The following AHNAK2 variants were observed in gnomAD, a reference collection of about 807,000 sequenced individuals.
AHNAK2 encodes protein AHNAK2.
In AHNAK2, 18 loss-of-function variants were observed where a neutral mutation model predicts 30.7. The ratio of observed to expected loss-of-function variants is 0.59; its 90% CI spans 0.41 to 0.87. AHNAK2 has a LOEUF of 0.87. AHNAK2 is among the 40% of genes least tolerant of loss of function. AHNAK2 has a pLI of 0.00. For synonymous variants in AHNAK2, 3,590 were observed against 3,073.8 expected (o/e 1.17, Z -5.56); for missense variants, 8,604 against 7,373.0 (o/e 1.17, Z -6.11).
chr14:104,964,724 A>G lies in AHNAK2; in HGVS notation c.56-7052T>C, dbSNP rs189656911. Among the ~76,000 whole-genome samples the G allele has an allele frequency of 2.8e-4, 42 of 152,364 alleles. No homozygotes were observed. The East Asian group carries it at 6.9e-3, about 25-fold the overall frequency. On this transcript the variant is annotated intron_variant, in intron 1 of 6. Transcript: ENST00000333244. ...CGCTCGTACCGGGGGAGCCCGTCACATCCAGCTCACAGTCAGGCTCAGGCC... is the reference window on the plus strand; with the variant it reads ...CGCTCGTACCGGGGGAGCCCGTCACGTCCAGCTCACAGTCAGGCTCAGGCC...
rs1464097710 is a variant in AHNAK2, at chr14:104,953,315, G to A, written c.2136C>T (p.Leu712=). 6.8e-6 allele frequency: 11 copies of A among 1,612,824 alleles called. No homozygotes were observed. The highest frequency in any genetic ancestry group is 3.3e-5 in the Admixed American group (2 of 59,908). Reference sequence around the variant, plus strand: ...TGGTCTTGAGGTCCCCCTGCATGGAGAGGAGGCTCACGTCGGCCTCCACCT... The same window carrying A: ...TGGTCTTGAGGTCCCCCTGCATGGAAAGGAGGCTCACGTCGGCCTCCACCT... ...APKVEADVSL[L]SMQGDLKTTD... The change falls in exon 7 of 7, where the codon CTC becomes CTT. Residue 712 remains leucine (L), a synonymous_variant. Coordinates refer to ENST00000333244, the MANE Select transcript of AHNAK2 (RefSeq NM_138420.4).
At chr14:104,975,397 G>A (rs1899567806) in intron 1 of AHNAK2, among the ~76,000 whole-genome samples, 1 of 152,226 alleles carries the variant, frequency 6.6e-6, no homozygotes, top group South Asian at 2.1e-4. Context: ...CAGGGAAAGA[G>A]CTGGGGTTGT....
chr14:104,963,988 A>C (rs1264815180), intron 1 of AHNAK2, among the ~76,000 whole-genome samples: 1 of 152,208 alleles, frequency 6.6e-6, no homozygotes, highest in Non-Finnish European at 1.5e-5. Flanking sequence ...CTACCATTTG[A>C]TCCAGCAGTC....
Position 104,942,241 on chromosome 14 carries a change from TAAC to T in AHNAK2, c.13207_13209del (p.Val4403del). The T allele has an allele frequency of 1.2e-6, 2 of 1,612,390 alleles. No homozygotes were observed. Among genetic ancestry groups the T allele is most frequent in the Non-Finnish European group, 1.7e-6 (2 of 1,179,496 alleles). On this transcript the variant is annotated inframe_deletion, in exon 7 of 7. Coordinates refer to ENST00000333244, the MANE Select transcript of AHNAK2 (RefSeq NM_138420.4). ...CCTTTCAGGTCCAGCTTGGGGACAT[TAAC>T]GTCTATCTGGGGACCCTTGAGGTCC...
At position 104,951,548 on chromosome 14, in the gene AHNAK2, C is replaced by T. The variant is rs368855822; in HGVS notation, c.3903G>A (p.Pro1301=). 2.3e-5 allele frequency: 29 copies of T among 1,246,586 alleles called. 10 individuals are homozygous for T. The highest frequency in any genetic ancestry group is 4.5e-5 in the East Asian group (2 of 44,460). The allele number at this position is 1,246,586 out of a possible 1,614,324, so 77.2% of individuals were successfully genotyped here. ...GCTGTGCGCCATCCAACTTGGCTCCCGGGGCCTGCATGTCCACCTCCACAC... is the reference window on the plus strand; with the variant it reads ...GCTGTGCGCCATCCAACTTGGCTCCTGGGGCCTGCATGTCCACCTCCACAC... The part of the protein sequence containing the change: ...LPSVEVDMQA[P]GAKLDGAQLD... Residue 1301 remains proline, a synonymous_variant, in exon 7 of 7, where the codon CCG becomes CCA. Transcript: ENST00000333244.
Position 104,942,772 on chromosome 14 carries a change from G to A in AHNAK2, c.12679C>T (p.Pro4227Ser), listed in dbSNP as rs750747836. ...TGGGGGCCCTTGAGGGCCACTTTGG[G>A]CATCTTCAAACAGGGCATCTGCACC... is the stretch of plus-strand genomic sequence containing the variant. ...PKVQMPCLKM[P>S]KVALKGPQVD... Residue 4227 changes from proline (P) to serine (S), a missense_variant, in exon 7 of 7, where the codon CCC becomes TCC. Coordinates refer to ENST00000333244, the MANE Select transcript of AHNAK2 (RefSeq NM_138420.4). 6.2e-7 allele frequency: 1 copy of A among 1,612,952 alleles called. No homozygotes were observed. The highest frequency in any genetic ancestry group is 1.1e-5 in the South Asian group (1 of 91,038).
rs1566922201 is a variant in AHNAK2, at chr14:104,956,672, C to T, written c.231G>A (p.Arg77=). The T allele has an allele frequency of 6.2e-7, 1 of 1,613,776 alleles. No individual in the cohort carries two copies. The highest frequency in any genetic ancestry group is 1.7e-5 in the Admixed American group (1 of 60,032). Residue 77 remains arginine (R), a synonymous_variant, in exon 4 of 7, where the codon AGG becomes AGA. Coordinates refer to ENST00000333244, the MANE Select transcript of AHNAK2 (RefSeq NM_138420.4). The stretch of plus-strand genomic sequence containing the variant: ...ATCTCCGTCTCCCAGCAGAACCTTG[C>T]CTGCCGGGGGCGTCTTCCTGCAGCC... ...DFGLQEDAPG[R]QGSAGRRRSW...
chr14:104,975,464 G>A (rs887852278), intron 1 of AHNAK2, among the ~76,000 whole-genome samples: 1 of 151,428 alleles, frequency 6.6e-6, no homozygotes, highest in African/African-American at 2.5e-5. Context: ...CCTCACTGGA[G>A]GGCACTCCAG....
chr14:104,962,592 AT>A (rs112564439), intron 1 of AHNAK2, among the ~76,000 whole-genome samples: 1,725 of 143,470 alleles, frequency 0.012, 19 homozygotes, highest in African/African-American at 0.029. Context: ...TGCCTCACTA[AT>A]TTTTTTTTTT....
In AHNAK2 at chr14:104,955,071, T is replaced by C. The variant is rs758320696; in HGVS notation, c.537A>G (p.Gln179=). The change falls in exon 6 of 7, where the codon CAA becomes CAG. Residue 179 remains glutamine (Q), a synonymous_variant. Transcript: ENST00000333244. The part of the protein sequence containing the change: ...IKYEDALKIL[Q]YSEPYKVQFK... ...ACTGAACCTTGTACGGCTCTGAATA[T>C]TGAAGGATTTTGAGAGCATCTTCAT... The C allele has an allele frequency of 1.2e-5, 20 of 1,613,600 alleles. 1 individual carries two copies. The Admixed American group carries it at 1.8e-4, about 15-fold the overall frequency.
rs1481126816 is a variant in AHNAK2, at chr14:104,948,767, C to T, written c.6684G>A (p.Glu2228=). The stretch of plus-strand genomic sequence containing the variant: ...GCAGGTGCCCTTTGAGGCCGACTTC[C>T]TCGGGCACAGGGCCCTCCAGGAGTT... ...DVKLLEGPVP[E]EVGLKGHLPK... Residue 2228 remains glutamate (E), a synonymous_variant, in exon 7 of 7, where the codon GAG becomes GAA. Coordinates refer to ENST00000333244, the MANE Select transcript of AHNAK2 (RefSeq NM_138420.4). 7.4e-6 allele frequency: 12 copies of T among 1,612,106 alleles called. No homozygotes were observed. Among genetic ancestry groups the T allele is most frequent in the Middle Eastern group, 1.7e-4 (1 of 6,052 alleles).
chr14:104,955,875 C>G (rs771621590), intron 4 of AHNAK2, among the ~76,000 whole-genome samples: 1 of 152,274 alleles, frequency 6.6e-6, no homozygotes, highest in Non-Finnish European at 1.5e-5. Context: ...GACTTAGGCA[C>G]AGCCTGTCCA....
In AHNAK2 at chr14:104,939,335, A is replaced by G. The variant is rs985143864; in HGVS notation, c.16116T>C (p.Asn5372=). The G allele has an allele frequency of 2.5e-6, 4 of 1,613,678 alleles. No homozygotes were observed. The African/African-American group carries it at 5.3e-5, about 22-fold the overall frequency. ...TDMPSQISVV[N]VDQLWEDSVL... ...CAGAATCTTCCCACAGTTGATCCAC[A>G]TTAACCACAGAAATCTGGGATGGCA... Residue 5372 remains asparagine (N), a synonymous_variant, in exon 7 of 7, where the codon AAT becomes AAC. Transcript: ENST00000333244.
chr14:104,957,425 G>T lies in AHNAK2; in HGVS notation c.198C>A (p.Ala66=). The change falls in exon 3 of 7, where the codon GCC becomes GCA. Residue 66 remains alanine (A), a synonymous_variant. Transcript: ENST00000333244. ...SPVYEYTTEA[A]DFGLQEDAPG... The stretch of plus-strand genomic sequence containing the variant: ...GCAGGCTCACCTGGAGTCCAAAGTC[G>T]GCAGCCTCAGTCGTGTATTCGTAGA... 6.3e-7 allele frequency: 1 copy of T among 1,588,090 alleles called. No individual in the cohort carries two copies. Among genetic ancestry groups the T allele is most frequent in the South Asian group, 1.1e-5 (1 of 89,732 alleles).
chr14:104,938,620 T>C lies in AHNAK2; in HGVS notation c.16831A>G (p.Ile5611Val). 6.2e-7 allele frequency: 1 copy of C among 1,612,786 alleles called. No homozygotes were observed. Among genetic ancestry groups the C allele is most frequent in the Non-Finnish European group, 8.5e-7 (1 of 1,179,474 alleles). Residue 5611 changes from isoleucine (I) to valine (V), a missense_variant, in exon 7 of 7, where the codon ATT becomes GTT. Transcript: ENST00000333244. ...CTATCATCAGGGGGAAACTCAAGAATTTCTGCTGGCTCCTCATCTGAACAG... is the reference window on the plus strand; with the variant it reads ...CTATCATCAGGGGGAAACTCAAGAACTTCTGCTGGCTCCTCATCTGAACAG... ...DSCSDEEPAE[I>V]LEFPPDDSQE...
intron 1 of AHNAK2, among the ~76,000 whole-genome samples, chr14:104,976,136 CCA>C (rs1039190061): frequency 6.6e-6 from 1 of 152,166 alleles, no homozygotes; most frequent in African/African-American, 2.4e-5. Flanking sequence ...CCCTGTCTCC[CCA>C]GTTATCAGGG....
Position 104,952,876 on chromosome 14 carries a change from A to T in AHNAK2, c.2575T>A (p.Ser859Thr), listed in dbSNP as rs769005493. ...GKSMEDSVDVSAPKVEADVSL... is the reference protein window; with the variant it reads ...GKSMEDSVDVTAPKVEADVSL... ...ACGTCGGCCTCCACCTTCGGCGCAG[A>T]CACATCCACCGAGTCCTCCATGGAC... The change falls in exon 7 of 7, where the codon TCT becomes ACT. Residue 859 changes from serine to threonine, a missense_variant. Transcript: ENST00000333244. The T allele has an allele frequency of 5.6e-6, 9 of 1,611,648 alleles. No individual in the cohort carries two copies. The highest frequency in any genetic ancestry group is 3.3e-5 in the Admixed American group (2 of 59,888).
chr14:104,953,905 T>C lies in AHNAK2; in HGVS notation c.1546A>G (p.Arg516Gly), dbSNP rs1282652255. The C allele has an allele frequency of 1.2e-6, 2 of 1,613,980 alleles. No individual in the cohort carries two copies. Among genetic ancestry groups the C allele is most frequent in the East Asian group, 4.5e-5 (2 of 44,880 alleles). ...RRLSTPQRGK[R>G]QDASSKAGTG... ...CCCGCTTTTGAGGACGCATCCTGTC[T>C]CTTCCCTCGCTGTGGGGTACTAAGG... Residue 516 changes from arginine to glycine, a missense_variant, in exon 7 of 7, where the codon AGA becomes GGA. Transcript: ENST00000333244.
intron 1 of AHNAK2, among the ~76,000 whole-genome samples, chr14:104,975,104 T>C (rs910903273): frequency 1.1e-4 from 16 of 152,038 alleles, no homozygotes; most frequent in Non-Finnish European, 2.2e-4. Context: ...CTTGGCCAAA[T>C]GGAGAGAAGG....
Sources: allele counts gnomAD v4.1 joint callset (sites outside exome capture counted in the v4.1 genomes callset), GRCh38; gene constraint gnomAD v4.1.1; transcripts MANE v1.5; gene names NCBI Gene and HGNC (gene_info 2026-07-23, HGNC 2026-07-21).